The following SACM1L variants were observed in gnomAD, a reference collection of about 807,000 sequenced individuals.
SACM1L encodes phosphatidylinositol-3-phosphatase SAC1.
In SACM1L, 32 loss-of-function variants were observed where a neutral mutation model predicts 89.5. That is an observed-to-expected ratio of 0.36 (90% CI 0.27 to 0.48). The LOEUF is 0.48. Among genes scored for constraint, SACM1L ranks in the 20% least tolerant of loss-of-function variants. The probability of loss-of-function intolerance (pLI) is 0.99; values close to 1 mark genes in which losing one functional copy is unlikely to be tolerated. For missense variants in SACM1L, 543 were observed against 708.5 expected (o/e 0.77, Z 2.65); for synonymous variants, 213 against 232.8 (o/e 0.92, Z 0.77).
chr3:45,722,443 C>T (rs564526724), intron 9 of SACM1L, among the ~76,000 whole-genome samples: 2 of 152,274 alleles, frequency 1.3e-5, no homozygotes, highest in East Asian at 3.9e-4. Context: ...GATGTCTCTT[C>T]TGTTGCCTTA....
chr3:45,730,766 G>A (rs528763845), intron 11 of SACM1L: 2 of 152,314 alleles, frequency 1.3e-5, no homozygotes, highest in South Asian at 4.1e-4. Flanking sequence ...GCCTTTAGAT[G>A]GTCTATTGTA....
intron 4 of SACM1L, among the ~76,000 whole-genome samples, chr3:45,708,119 G>A (rs1698442296): frequency 6.6e-6 from 1 of 152,040 alleles, no homozygotes. Context: ...TAAAGGTCAT[G>A]AAACAGTCAT....
At chr3:45,731,460 T>TGTTTC in intron 12 of SACM1L, 80 bp downstream of exon 12, 1 of 814,252 alleles carries the variant, frequency 1.2e-6, no homozygotes, top group Non-Finnish European at 1.9e-6. Context: ...TAGAGCTCAC[T>TGTTTC]AGACATATGT....
intron 6 of SACM1L, 61 bp downstream of exon 6, chr3:45,713,257 G>T: frequency 8.2e-7 from 1 of 1,217,880 alleles, no homozygotes; most frequent in Non-Finnish European, 1.2e-6. Flanking sequence ...TTCAATGCAT[G>T]CTATAAAGTG....
intron 5 of SACM1L, among the ~76,000 whole-genome samples, chr3:45,711,931 C>T (rs1275680352): frequency 6.6e-6 from 1 of 152,176 alleles, no homozygotes; most frequent in East Asian, 1.9e-4. Flanking sequence ...AATTCAACAG[C>T]AGTTTTGTTT....
chr3:45,709,588 A>G lies in SACM1L; in HGVS notation c.424A>G (p.Thr142Ala). ...TTCAACAACATATGATTTGACCCAT[A>G]CTTTGCAGCGGCTATCCAACACTAG... ...YFSTTYDLTH[T>A]LQRLSNTSPE... The change falls in exon 5 of 20, where the codon ACT becomes GCT. Residue 142 changes from threonine to alanine, a missense_variant. This residue lies in a region of SACM1L where 173 missense variants were observed against 180.9 expected (regional missense o/e 0.96). Transcript: ENST00000389061. 3 of 1,613,904 alleles carry G rather than the reference A, an allele frequency of 1.9e-6. No homozygotes were observed. The highest frequency in any genetic ancestry group is 1.3e-5 in the African/African-American group (1 of 75,028).
At chr3:45,695,425 T>C (rs1191966534) in intron 1 of SACM1L, among the ~76,000 whole-genome samples, 1 of 152,102 alleles carries the variant, frequency 6.6e-6, no homozygotes, top group African/African-American at 2.4e-5. Flanking sequence ...CAGGCCCGGC[T>C]AATTTTTGTA....
intron 1 of SACM1L, among the ~76,000 whole-genome samples, chr3:45,696,045 T>C (rs1698117651): frequency 6.6e-6 from 1 of 150,808 alleles, no homozygotes; most frequent in Non-Finnish European, 1.5e-5. Context: ...TTGCCTATGC[T>C]GGAGTACAGT....
chr3:45,725,509 T>C (rs932268780), intron 11 of SACM1L, among the ~76,000 whole-genome samples: 1 of 152,146 alleles, frequency 6.6e-6, no homozygotes, highest in Admixed American at 6.5e-5. Flanking sequence ...GGATATTTCA[T>C]TGTTAGTATA....
intron 3 of SACM1L, among the ~76,000 whole-genome samples, chr3:45,705,496 A>AT (rs36040487): frequency 0.11 from 11,127 of 103,132 alleles, 675 homozygotes; most frequent in African/African-American, 0.16. Flanking sequence ...TGTAAATAAA[A>AT]TTTTTTTTTT....
chr3:45,710,264 G>A (rs963276104), intron 5 of SACM1L, among the ~76,000 whole-genome samples: 12 of 150,648 alleles, frequency 8.0e-5, no homozygotes, highest in African/African-American at 2.2e-4. Context: ...GCAGTGGTGC[G>A]ATCTCAGCTC....
At chr3:45,702,252 A>T (rs924800263) in intron 1 of SACM1L, among the ~76,000 whole-genome samples, 2 of 152,222 alleles carry the variant, frequency 1.3e-5, no homozygotes, top group African/African-American at 2.4e-5. Context: ...TTGCTGCAGG[A>T]CATTTTTCTA....
chr3:45,733,990 CTG>C (rs1455860894), intron 13 of SACM1L, among the ~76,000 whole-genome samples: 1 of 152,100 alleles, frequency 6.6e-6, no homozygotes, highest in Non-Finnish European at 1.5e-5. Context: ...GAACTGGTAA[CTG>C]TGGTTGGTTG....
intron 1 of SACM1L, among the ~76,000 whole-genome samples, chr3:45,696,199 G>T (rs1252997127): frequency 6.6e-6 from 1 of 151,912 alleles, no homozygotes; most frequent in African/African-American, 2.4e-5. Context: ...AGGTTTCACT[G>T]CATTTGCCAG....
At chr3:45,737,461 A>G in intron 14 of SACM1L, 122 bp from the exon 15 acceptor site, 2 of 974,416 alleles carry the variant, frequency 2.1e-6, no homozygotes, top group Non-Finnish European at 3.2e-6. Context: ...GACAACAGAC[A>G]TTTCTGGCCT....
At chr3:45,713,324 A>G in intron 6 of SACM1L, 128 bp downstream of exon 6, 1 of 712,576 alleles carries the variant, frequency 1.4e-6, no homozygotes, top group East Asian at 2.8e-5. Flanking sequence ...TTTATAACTT[A>G]CAAACTTGGA....
chr3:45,711,858 T>G (rs539531897), intron 5 of SACM1L, among the ~76,000 whole-genome samples: 1 of 152,356 alleles, frequency 6.6e-6, no homozygotes, highest in Non-Finnish European at 1.5e-5. Context: ...GAAATCTGTG[T>G]GCAGAATCCT....
intron 11 of SACM1L, among the ~76,000 whole-genome samples, chr3:45,727,553 A>G (rs1377730658): frequency 5.3e-5 from 8 of 152,010 alleles, no homozygotes; most frequent in Non-Finnish European, 1.0e-4. Flanking sequence ...TTTCTTATTC[A>G]TCTCTGTCTG....
At chr3:45,697,268 C>CTTTTTTT (rs1559535250) in intron 1 of SACM1L, among the ~76,000 whole-genome samples, 1 of 110,612 alleles carries the variant, frequency 9.0e-6, no homozygotes, top group African/African-American at 4.2e-5. Flanking sequence ...CTTTTCTTTT[C>CTTTTTTT]CTTTTTTTTT....
Sources: gnomAD v4.1 joint callset for allele counts (sites outside exome capture counted in the v4.1 genomes callset) on GRCh38, gnomAD v4.1.1 for gene constraint, gnomAD v4.1.1 regional missense constraint, MANE v1.5 for transcripts, NCBI Gene and HGNC (gene_info 2026-07-23, HGNC 2026-07-21) for gene names.